Variants in UBE2V1 observed in about 807,000 individuals in gnomAD.
UBE2V1 encodes ubiquitin-conjugating enzyme E2 variant 1.
In UBE2V1, 15 loss-of-function variants were observed where a neutral mutation model predicts 19.6. That is an observed-to-expected ratio of 0.77 (90% CI 0.51 to 1.18). The LOEUF (loss-of-function observed/expected upper bound fraction) is 1.18. Ranked by LOEUF, UBE2V1 falls within the 50% of genes most tolerant of loss-of-function variation. The pLI is 0.00. For missense variants in UBE2V1, 125 were observed against 184.8 expected (o/e 0.68, Z 1.88); for synonymous variants, 60 against 60.7 (o/e 0.99, Z 0.05).
rs1254232980 is a variant in UBE2V1, at chr20:50,084,563, G to T, written c.172-309C>A. 3 of 493,446 alleles carry T rather than the reference G, an allele frequency of 6.1e-6. No homozygotes were observed. The East Asian group carries it at 1.7e-4, about 29-fold the overall frequency. The allele number at this position is 493,446 out of a possible 1,614,324, so 30.6% of individuals were successfully genotyped here. ...TCTCTACTTTGCAGTCCTTCTCTGG[G>T]GAATGGTAAGAGGCATTCTCTATTC... is the stretch of plus-strand genomic sequence containing the variant. On this transcript the variant is annotated intron_variant, in intron 2 of 3. Transcript: ENST00000371674.
At chr20:50,112,160 A>G (rs1003187089) in intron 1 of UBE2V1, among the ~76,000 whole-genome samples, 1 of 152,236 alleles carries the variant, frequency 6.6e-6, no homozygotes, top group Non-Finnish European at 1.5e-5. Flanking sequence ...ATTCAAAAAG[A>G]GGAGACTTTT....
At chr20:50,100,971 T>C (rs1294195390) in intron 1 of UBE2V1, among the ~76,000 whole-genome samples, 5 of 152,200 alleles carry the variant, frequency 3.3e-5, no homozygotes, top group African/African-American at 9.7e-5. Context: ...TAGGGCAAAA[T>C]ATATTAGTAA....
At chr20:50,093,987 CAAAAAAAA>C (rs60174191) in intron 2 of UBE2V1, among the ~76,000 whole-genome samples, 2 of 56,282 alleles carry the variant, frequency 3.6e-5, no homozygotes, top group African/African-American at 6.5e-5. Context: ...GACTCCAACT[CAAAAAAAA>C]AAAAAAAAAA....
At chr20:50,088,102 A>T (rs891175264) in intron 2 of UBE2V1, among the ~76,000 whole-genome samples, 16 of 32,294 alleles carry the variant, frequency 5.0e-4, no homozygotes, top group African/African-American at 4.0e-3. Flanking sequence ...CTAATCATTA[A>T]AAAAAAAAAA....
chr20:50,084,371 G>A, intron 2 of UBE2V1, 117 bp from the exon 3 acceptor site: 9 of 1,580,134 alleles, frequency 5.7e-6, no homozygotes, highest in Non-Finnish European at 7.8e-6. Context: ...CTTCCAGCAT[G>A]GAGTCTACTT....
chr20:50,090,900 A>G (rs2079179013), intron 2 of UBE2V1, among the ~76,000 whole-genome samples: 1 of 152,322 alleles, frequency 6.6e-6, no homozygotes, highest in East Asian at 1.9e-4. Flanking sequence ...CACACTGTAT[A>G]CCTTGGATAT....
Position 50,081,267 on chromosome 20 carries a change from A to G in UBE2V1, c.*1501T>C, listed in dbSNP as rs2078632429. 6.6e-6 allele frequency: 1 copy of G among 152,500 alleles called. No individual in the cohort carries two copies. The highest frequency in any genetic ancestry group is 1.5e-5 in the Non-Finnish European group (1 of 68,024). 9.4% of individuals were successfully genotyped at this position (152,500 alleles called of 1,614,324 possible). ...TAGAACTAAGGTTTTCCCCCCAGAA[A>G]AAGATTAATGGAAACATCAATTGCT... On this transcript the variant is annotated 3_prime_UTR_variant, in exon 4 of 4. Coordinates refer to ENST00000371674, the MANE Select transcript of UBE2V1 (RefSeq NM_001032288.3).
At chr20:50,086,402 T>C (rs1343514426) in intron 2 of UBE2V1, among the ~76,000 whole-genome samples, 1 of 152,120 alleles carries the variant, frequency 6.6e-6, no homozygotes, top group African/African-American at 2.4e-5. Flanking sequence ...AATGTTTCTC[T>C]TCACACTTTT....
At chr20:50,084,095 C>G in intron 3 of UBE2V1, 34 bp downstream of exon 3, 1 of 1,541,468 alleles carries the variant, frequency 6.5e-7, no homozygotes, top group Non-Finnish European at 8.7e-7. Context: ...ACTGTCAACT[C>G]CAAGGAACAA....
intron 1 of UBE2V1, among the ~76,000 whole-genome samples, chr20:50,097,834 G>T (rs540470773): frequency 6.6e-6 from 1 of 152,330 alleles, no homozygotes; most frequent in South Asian, 2.1e-4. Flanking sequence ...CTCACTGGAG[G>T]GACCCCAGAT....
chr20:50,094,192 AAT>A (rs1328878375), intron 2 of UBE2V1, among the ~76,000 whole-genome samples: 1 of 91,606 alleles, frequency 1.1e-5, no homozygotes, highest in African/African-American at 6.9e-5. Flanking sequence ...ATGTTATATA[AAT>A]ATACAGTATA....
chr20:50,100,432 A>T (rs1174774733), intron 1 of UBE2V1, among the ~76,000 whole-genome samples: 6 of 149,946 alleles, frequency 4.0e-5, no homozygotes, highest in African/African-American at 1.5e-4. Flanking sequence ...CTAAAAATAC[A>T]AAATTAGCCG....
rs2080498107 is a variant in UBE2V1, at chr20:50,107,992, GA to G, written c.22+5114del. ...GCAGTCAGGCCCATGAAGATCTGGG[GA>G]CAGAGCAAGATCAGAGGTGTGTGAC... On this transcript the variant is annotated intron_variant, in intron 1 of 3. Coordinates refer to ENST00000371674, the MANE Select transcript of UBE2V1 (RefSeq NM_001032288.3). Among the ~76,000 whole-genome samples, 3 of 152,344 alleles carry G rather than the reference GA, an allele frequency of 2.0e-5. No individual in the cohort carries two copies. The South Asian group carries it at 6.2e-4, about 32-fold the overall frequency.
chr20:50,084,794 G>T, intron 2 of UBE2V1: 1 of 290,378 alleles, frequency 3.4e-6, no homozygotes. Flanking sequence ...CAACTGGGGT[G>T]TTCCATCCCT....
intron 1 of UBE2V1, among the ~76,000 whole-genome samples, chr20:50,111,846 A>T (rs1452424518): frequency 6.6e-6 from 1 of 152,084 alleles, no homozygotes; most frequent in East Asian, 1.9e-4. Context: ...TGATTGCTGT[A>T]CTCAGGCTGG....
At chr20:50,115,222 C>T (rs547682302), upstream of UBE2V1, among the ~76,000 whole-genome samples, 5 of 152,194 alleles carry the variant, frequency 3.3e-5, no homozygotes, top group South Asian at 1.0e-3. Flanking sequence ...GGGGCTTTGC[C>T]TGTGCTGTTC....
chr20:50,101,378 T>C (rs1203784151), intron 1 of UBE2V1, among the ~76,000 whole-genome samples: 1 of 151,790 alleles, frequency 6.6e-6, no homozygotes, highest in Non-Finnish European at 1.5e-5. Context: ...CTCTCAAGAA[T>C]GCTTTATACT....
chr20:50,098,229 T>A (rs1458356839), intron 1 of UBE2V1, among the ~76,000 whole-genome samples: 1 of 152,118 alleles, frequency 6.6e-6, no homozygotes, highest in Non-Finnish European at 1.5e-5. Flanking sequence ...AGCAAACAAG[T>A]GCAAAGGCCC....
intron 1 of UBE2V1, chr20:50,111,330 T>C: frequency 2.0e-6 from 2 of 995,526 alleles, no homozygotes; most frequent in Non-Finnish European, 2.4e-6. Context: ...ACCGGGCAGC[T>C]GTTAACCCAG....
Sources: allele counts gnomAD v4.1 joint callset (sites outside exome capture counted in the v4.1 genomes callset), GRCh38; gene constraint gnomAD v4.1.1; transcripts MANE v1.5; gene names NCBI Gene and HGNC (gene_info 2026-07-23, HGNC 2026-07-21).